RGS7: variants seen among roughly 807,000 people sequenced by gnomAD.
RGS7 encodes regulator of G protein signaling 7.
RGS7 carries 27 observed loss-of-function variants against 81.1 expected under a neutral mutation model. That is an observed-to-expected ratio of 0.33 (90% confidence interval 0.25 to 0.46). The LOEUF (loss-of-function observed/expected upper bound fraction) is 0.46. RGS7 is among the 20% of genes least tolerant of loss of function. The pLI, the probability that RGS7 is intolerant of heterozygous loss-of-function variation, is 1.00. For missense variants in RGS7, 396 were observed against 607.4 expected, an observed-to-expected ratio of 0.65 and a Z score of 3.66; for synonymous variants, 208 against 207.7, an observed-to-expected ratio of 1.00 and a Z score of -0.01.
At chr1:240,946,734 G>T (rs1362144942) in intron 4 of RGS7, among the ~76,000 whole-genome samples, 2 of 152,152 alleles carry the variant, frequency 1.3e-5, no homozygotes, top group African/African-American at 4.8e-5. Context: ...GGGAGGTGGG[G>T]GACTGGGACA....
At chr1:241,089,063 C>CTATATATATATATATATA (rs1161090389) in intron 3 of RGS7, among the ~76,000 whole-genome samples, 14 of 23,676 alleles carry the variant, frequency 5.9e-4, no homozygotes, top group African/African-American at 1.4e-3. Context: ...CTCTCTCTCT[C>CTATATATATATATATATA]TATATATATA....
At chr1:240,897,345 T>C (rs576509805) in intron 6 of RGS7, among the ~76,000 whole-genome samples, 1 of 152,232 alleles carries the variant, frequency 6.6e-6, no homozygotes, top group African/African-American at 2.4e-5. Context: ...AGAGAGGGCA[T>C]CCCTGTCTTG....
intron 2 of RGS7, among the ~76,000 whole-genome samples, chr1:241,212,336 G>A (rs969351921): frequency 2.0e-5 from 3 of 152,078 alleles, no homozygotes; most frequent in Non-Finnish European, 2.9e-5. Context: ...GAACAGGGTC[G>A]ACTTCGTGGG....
At chr1:240,926,367 A>C (rs1674438620) in intron 6 of RGS7, among the ~76,000 whole-genome samples, 1 of 152,200 alleles carries the variant, frequency 6.6e-6, no homozygotes, top group Non-Finnish European at 1.5e-5. Flanking sequence ...GTGGCTAGCC[A>C]GTTATTCCAG....
At chr1:240,822,804 C>T (rs114446879) in intron 10 of RGS7, among the ~76,000 whole-genome samples, 2,174 of 152,114 alleles carry the variant, frequency 0.014, 57 homozygotes, top group African/African-American at 0.05. Context: ...GATACGATGG[C>T]CTTAATTTAA....
chr1:240,849,575 T>G (rs574315867), intron 9 of RGS7, among the ~76,000 whole-genome samples: 1 of 152,140 alleles, frequency 6.6e-6, no homozygotes, highest in East Asian at 1.9e-4. Context: ...TGGGAGGTGT[T>G]TGGATCATGG....
intron 2 of RGS7, among the ~76,000 whole-genome samples, chr1:241,099,618 T>A (rs2064568654): frequency 6.6e-6 from 1 of 152,220 alleles, no homozygotes; most frequent in East Asian, 1.9e-4. Context: ...TTGAAGAACA[T>A]TCATTCATTC....
chr1:241,351,346 G>A (rs2083236515), intron 2 of RGS7, among the ~76,000 whole-genome samples: 1 of 151,784 alleles, frequency 6.6e-6, no homozygotes, highest in Non-Finnish European at 1.5e-5. Context: ...TTGAGCCTAG[G>A]AGTTCAAGGT....
chr1:241,116,920 C>T (rs2065919403), intron 2 of RGS7, among the ~76,000 whole-genome samples: 1 of 152,084 alleles, frequency 6.6e-6, no homozygotes, highest in South Asian at 2.1e-4. Flanking sequence ...TTACTCCTAA[C>T]CACCATGTAA....
At chr1:241,298,839 T>C (rs2079570633) in intron 2 of RGS7, among the ~76,000 whole-genome samples, 2 of 152,238 alleles carry the variant, frequency 1.3e-5, no homozygotes, top group Admixed American at 1.3e-4. Context: ...CAGCATCTCC[T>C]GGACTAAGAT....
intron 2 of RGS7, among the ~76,000 whole-genome samples, chr1:241,299,721 G>A (rs926160198): frequency 1.3e-5 from 2 of 151,454 alleles, no homozygotes; most frequent in African/African-American, 4.9e-5. Context: ...AACCTGGTAC[G>A]ATTACATATG....
intron 2 of RGS7, among the ~76,000 whole-genome samples, chr1:241,282,921 C>A (rs1426093458): frequency 6.6e-6 from 1 of 152,112 alleles, no homozygotes; most frequent in Non-Finnish European, 1.5e-5. Flanking sequence ...CTCCTATCTG[C>A]TTATCATTAT....
chr1:240,916,441 C>T (rs994935685), intron 6 of RGS7, among the ~76,000 whole-genome samples: 5 of 152,088 alleles, frequency 3.3e-5, no homozygotes, highest in African/African-American at 1.2e-4. Context: ...CTGAGATTTT[C>T]CCCAAGTTAA....
At chr1:240,902,268 G>A (rs1670139021) in intron 6 of RGS7, among the ~76,000 whole-genome samples, 2 of 152,142 alleles carry the variant, frequency 1.3e-5, no homozygotes, top group East Asian at 3.8e-4. Flanking sequence ...CAAATAAGAA[G>A]CATTACAACT....
At chr1:241,238,966 CTTTTTTT>C (rs66468032) in intron 2 of RGS7, among the ~76,000 whole-genome samples, 3 of 106,620 alleles carry the variant, frequency 2.8e-5, no homozygotes, top group African/African-American at 3.5e-5. Flanking sequence ...GCCTCTCTCT[CTTTTTTT>C]TTTTTTTTTT....
In RGS7 at chr1:240,944,851, C is replaced by T. The variant is rs144307264; in HGVS notation, c.227-8145G>A. On this transcript the variant is annotated intron_variant, in intron 4 of 18. Coordinates refer to ENST00000440928, the MANE Select transcript of RGS7 (RefSeq NM_001364886.1). ...GCCTCCGCCTCTCAAGTAGCTGGGA[C>T]TACAGGCATGCGCCACCACGCCCGG... is the stretch of plus-strand genomic sequence containing the variant. Among the ~76,000 whole-genome samples the T allele has an allele frequency of 9.2e-5, 14 of 152,322 alleles. 1 individual carries two copies. In the South Asian group the frequency reaches 2.7e-3, roughly 29 times the overall value.
At chr1:241,273,498 TTTTG>T (rs1194502633) in intron 2 of RGS7, among the ~76,000 whole-genome samples, 1 of 152,058 alleles carries the variant, frequency 6.6e-6, no homozygotes, top group African/African-American at 2.4e-5. Context: ...CATTTGTTTG[TTTTG>T]TTTGTTTGCT....
chr1:240,849,545 G>T (rs1029174261), intron 9 of RGS7, among the ~76,000 whole-genome samples: 6 of 152,226 alleles, frequency 3.9e-5, no homozygotes, highest in African/African-American at 1.4e-4. Flanking sequence ...GGAATCCCCA[G>T]TGTTGGAGGT....
chr1:240,836,163 A>G, intron 9 of RGS7, among the ~76,000 whole-genome samples: 1 of 146,544 alleles, frequency 6.8e-6, no homozygotes, highest in African/African-American at 2.5e-5. Flanking sequence ...GGGGGTTGAT[A>G]ATGGGGGCGG....
Sources: allele counts gnomAD v4.1 joint callset (sites outside exome capture counted in the v4.1 genomes callset), GRCh38; gene constraint gnomAD v4.1.1; transcripts MANE v1.5; gene names NCBI Gene and HGNC (gene_info 2026-07-23, HGNC 2026-07-21).